OSBPL10: variants seen among roughly 807,000 people sequenced by gnomAD.
OSBPL10 encodes oxysterol-binding protein-related protein 10.
A neutral mutation model predicts 81.7 loss-of-function variants in OSBPL10; 49 were observed. The observed-to-expected ratio is 0.60, with a 90% CI of 0.48 to 0.76. The LOEUF (loss-of-function observed/expected upper bound fraction) is 0.76. OSBPL10 is among the 30% of genes least tolerant of loss of function. OSBPL10 has a pLI of 0.00. For missense variants in OSBPL10, 923 were observed against 987.8 expected (o/e 0.93, Z 0.88); for synonymous variants, 419 against 383.6 (o/e 1.09, Z -1.08).
chr3:31,699,167 G>A (rs562921908), intron 7 of OSBPL10, among the ~76,000 whole-genome samples: 1 of 152,260 alleles, frequency 6.6e-6, no homozygotes, highest in South Asian at 2.1e-4. Context: ...CTTGGAGCTT[G>A]GAACTTGGCA....
intron 3 of OSBPL10, among the ~76,000 whole-genome samples, chr3:31,831,760 G>C (rs1043633225): frequency 6.6e-6 from 1 of 152,174 alleles, no homozygotes; most frequent in Non-Finnish European, 1.5e-5. Flanking sequence ...CAGGGCCACA[G>C]AGAAACGAGT....
At position 32,069,894 on chromosome 3, in the gene OSBPL10, C is replaced by A. The variant is rs551052719; in HGVS notation, n.185+7502G>T. Among the ~76,000 whole-genome samples the A allele has an allele frequency of 1.6e-4, 25 of 152,364 alleles. No individual in the cohort carries two copies. In the East Asian group the frequency reaches 4.8e-3, roughly 29 times the overall value. The stretch of plus-strand genomic sequence containing the variant: ...GCTTCAAATGCCAAAAGCCTGGCCA[C>A]TGGGCCTCAGAATGCCCGCAGCCCA... On this transcript the variant is annotated intron_variant and non_coding_transcript_variant, in intron 1 of 3. Coordinates refer to the OSBPL10 transcript ENST00000479173.
chr3:31,789,956 TC>T (rs1698970431), intron 4 of OSBPL10, among the ~76,000 whole-genome samples: 1 of 133,638 alleles, frequency 7.5e-6, no homozygotes, highest in South Asian at 2.3e-4. Flanking sequence ...ACATTTTTAT[TC>T]TTTTTTTTTT....
chr3:31,905,345 A>ATTTTTTTTTTTCTTTTTTT (rs1696374338), intron 1 of OSBPL10, among the ~76,000 whole-genome samples: 1 of 94,860 alleles, frequency 1.1e-5, no homozygotes, highest in African/African-American at 4.7e-5. Context: ...GAACCTGGTG[A>ATTTTTTTTTTTCTTTTTTT]TTTTTTTTTT....
intron 6 of OSBPL10, among the ~76,000 whole-genome samples, chr3:31,716,656 G>A (rs1270409906): frequency 6.6e-6 from 1 of 152,196 alleles, no homozygotes; most frequent in African/African-American, 2.4e-5. Flanking sequence ...GTGAGGAGAC[G>A]GCTCTGGCCT....
chr3:31,780,203 G>A (rs938938744), intron 4 of OSBPL10, among the ~76,000 whole-genome samples: 2 of 152,140 alleles, frequency 1.3e-5, no homozygotes, highest in African/African-American at 4.8e-5. Context: ...TGAGGCAGGA[G>A]AATGGCATGA....
intron 4 of OSBPL10, among the ~76,000 whole-genome samples, chr3:31,807,609 G>A (rs548894091): frequency 4.0e-5 from 6 of 151,308 alleles, no homozygotes; most frequent in East Asian, 1.9e-4. Flanking sequence ...ACGGTGGCAC[G>A]TGCCTGTGGT....
intron 5 of OSBPL10, among the ~76,000 whole-genome samples, 184 bp from the exon 6 acceptor site, chr3:31,733,595 G>A (rs1197620576): frequency 6.7e-6 from 1 of 148,630 alleles, no homozygotes; most frequent in Non-Finnish European, 1.5e-5. Context: ...ACTAGTTTCT[G>A]TATAATATCA....
intron 4 of OSBPL10, among the ~76,000 whole-genome samples, chr3:31,774,936 G>T (rs1698509050): frequency 6.6e-6 from 1 of 151,694 alleles, no homozygotes; most frequent in African/African-American, 2.4e-5. Context: ...GGAGGCTGAG[G>T]TGGGTGGATC....
intron 4 of OSBPL10, among the ~76,000 whole-genome samples, chr3:31,782,274 A>G (rs976038120): frequency 4.6e-5 from 7 of 152,220 alleles, no homozygotes; most frequent in African/African-American, 1.7e-4. Flanking sequence ...TTCACCTTAC[A>G]CAAAAATCAA....
At chr3:31,856,734 G>A (rs11710909) in intron 3 of OSBPL10, among the ~76,000 whole-genome samples, 1 of 152,192 alleles carries the variant, frequency 6.6e-6, no homozygotes, top group Non-Finnish European at 1.5e-5. Flanking sequence ...GTATTGTTCA[G>A]TAAGATGTAC....
At chr3:31,945,531 C>T (rs1217570685) in intron 1 of OSBPL10, among the ~76,000 whole-genome samples, 1 of 152,178 alleles carries the variant, frequency 6.6e-6, no homozygotes, top group Non-Finnish European at 1.5e-5. Flanking sequence ...AAAATTAAGA[C>T]AGCTTCTCAC....
Position 32,054,526 on chromosome 3 carries a change from C to CTTTTTTTTTTT in OSBPL10, n.186-7934_186-7924dup, listed in dbSNP as rs755489489. ...ACCAACATTTCCTGGTCAATGGTGG[C>CTTTTTTTTTTT]TTTTTTTTTTTTTTTTTTTTTTTGA... On this transcript the variant is annotated intron_variant and non_coding_transcript_variant, in intron 1 of 3. Transcript: ENST00000479173. Among the ~76,000 whole-genome samples the CTTTTTTTTTTT allele has an allele frequency of 3.0e-4, 26 of 86,604 alleles. 2 individuals carry two copies. Among genetic ancestry groups the CTTTTTTTTTTT allele is most frequent in the Admixed American group, 3.8e-4 (2 of 5,234 alleles). The allele number at this position is 86,604 out of a possible 152,430, so 56.8% of individuals were successfully genotyped here.
chr3:32,017,943 G>C (rs926229379), intron 2 of OSBPL10, among the ~76,000 whole-genome samples: 8 of 152,044 alleles, frequency 5.3e-5, no homozygotes, highest in African/African-American at 1.9e-4. Flanking sequence ...GAGGTCAGGA[G>C]TTCGAGACCA....
upstream of OSBPL10, among the ~76,000 whole-genome samples, chr3:31,982,199 G>T (rs1398669198): frequency 6.6e-6 from 1 of 152,160 alleles, no homozygotes; most frequent in Non-Finnish European, 1.5e-5. Flanking sequence ...TACAAACATT[G>T]AAGGATTCTC....
intron 1 of OSBPL10, among the ~76,000 whole-genome samples, chr3:31,933,833 CTTTTA>C (rs1697313422): frequency 6.6e-6 from 1 of 152,044 alleles, no homozygotes. Context: ...TTACAACAAG[CTTTTA>C]CATTAAGAGA....
At chr3:31,743,403 A>G (rs955330619) in intron 5 of OSBPL10, among the ~76,000 whole-genome samples, 3 of 152,168 alleles carry the variant, frequency 2.0e-5, no homozygotes, top group Non-Finnish European at 4.4e-5. Context: ...AGTACTTCAG[A>G]CCCAGTATAT....
At chr3:31,758,154 G>A (rs1002174738) in intron 4 of OSBPL10, among the ~76,000 whole-genome samples, 1 of 152,116 alleles carries the variant, frequency 6.6e-6, no homozygotes, top group Non-Finnish European at 1.5e-5. Context: ...AATCTCAGAG[G>A]AAGATGACAT....
chr3:32,039,284 C>G (rs1311892268), intron 2 of OSBPL10, among the ~76,000 whole-genome samples: 1 of 150,378 alleles, frequency 6.6e-6, no homozygotes, highest in Admixed American at 6.6e-5. Context: ...CGGGACCATG[C>G]CACTGCACTC....
Sources: allele counts gnomAD v4.1 joint callset (sites outside exome capture counted in the v4.1 genomes callset), GRCh38; gene constraint gnomAD v4.1.1; transcripts MANE v1.5; gene names NCBI Gene and HGNC (gene_info 2026-07-23, HGNC 2026-07-21).